The following CRPPA variants were observed in gnomAD, a reference collection of about 807,000 sequenced individuals.
The protein encoded by CRPPA is D-ribitol-5-phosphate cytidylyltransferase.
CRPPA carries 43 observed loss-of-function variants against 52.0 expected under a neutral mutation model. That is an observed-to-expected ratio of 0.83 (90% CI 0.65 to 1.07). The LOEUF is 1.07. Ranked by LOEUF, CRPPA falls within the 50% of genes least tolerant of loss-of-function variation. The pLI, the probability that CRPPA is intolerant of heterozygous loss-of-function variation, is 0.00. For missense variants in CRPPA, 629 were observed against 551.7 expected (o/e 1.14, Z -1.40); for synonymous variants, 250 against 203.5 (o/e 1.23, Z -1.94).
chr7:16,121,820 A>G (rs1040708124), intron 9 of CRPPA, among the ~76,000 whole-genome samples: 4 of 152,104 alleles, frequency 2.6e-5, no homozygotes, highest in Non-Finnish European at 4.4e-5. Flanking sequence ...ATAAAAATTT[A>G]AACCAAAACA....
At chr7:16,404,435 C>T (rs1279317604) in intron 2 of CRPPA, among the ~76,000 whole-genome samples, 1 of 152,008 alleles carries the variant, frequency 6.6e-6, no homozygotes, top group Non-Finnish European at 1.5e-5. Context: ...ATATACTTAG[C>T]ATATTAATTG....
At chr7:16,200,810 C>T (rs1781833717) in intron 9 of CRPPA, among the ~76,000 whole-genome samples, 1 of 152,172 alleles carries the variant, frequency 6.6e-6, no homozygotes, top group Non-Finnish European at 1.5e-5. Context: ...AATGAATTTT[C>T]ACACGGTAAT....
chr7:16,246,125 A>G (rs1783266105), intron 8 of CRPPA, among the ~76,000 whole-genome samples: 1 of 152,178 alleles, frequency 6.6e-6, no homozygotes, highest in South Asian at 2.1e-4. Context: ...AGTTGGACTT[A>G]ATCTTCTCAA....
At chr7:16,301,308 G>T in intron 5 of CRPPA, 113 bp downstream of exon 5, 1 of 778,510 alleles carries the variant, frequency 1.3e-6, no homozygotes, top group Non-Finnish European at 2.2e-6. Context: ...AGAGACCTTG[G>T]CCTACAGGCT....
chr7:16,138,475 A>G (rs10227232), intron 9 of CRPPA, among the ~76,000 whole-genome samples: 76,613 of 151,928 alleles, frequency 0.5, 19,739 homozygotes, highest in East Asian at 0.77. Flanking sequence ...ACATGAGAGG[A>G]TATCCAAATT....
rs192459576 is a variant in CRPPA at position 16,379,407 on chromosome 7, T to C, written c.535-3166A>G. On this transcript the variant is annotated intron_variant, in intron 2 of 9. Coordinates refer to ENST00000407010, the MANE Select transcript of CRPPA (RefSeq NM_001101426.4). ...GGTTACTGTAGCCTTGTAGTATAGTTTGAAGTCAGGTAGTGTGATGCTTCC... is the reference window on the plus strand; with the variant it reads ...GGTTACTGTAGCCTTGTAGTATAGTCTGAAGTCAGGTAGTGTGATGCTTCC... Among the ~76,000 whole-genome samples the C allele has an allele frequency of 5.1e-3, 780 of 152,346 alleles. 5 individuals carry two copies. The highest frequency in any genetic ancestry group is 0.018 in the African/African-American group (737 of 41,572).
At chr7:16,335,328 G>A (rs1241850140) in intron 3 of CRPPA, among the ~76,000 whole-genome samples, 2 of 152,148 alleles carry the variant, frequency 1.3e-5, no homozygotes, top group African/African-American at 4.8e-5. Context: ...ATTCAAGCCT[G>A]AGTGACACAG....
intron 2 of CRPPA, among the ~76,000 whole-genome samples, chr7:16,383,224 G>A (rs2128313448): frequency 6.6e-6 from 1 of 152,296 alleles, no homozygotes; most frequent in African/African-American, 2.4e-5. Context: ...AGGACCCTCA[G>A]CTGCAGGTCT....
chr7:16,204,294 T>C (rs1367572613), intron 9 of CRPPA, among the ~76,000 whole-genome samples: 1 of 152,078 alleles, frequency 6.6e-6, no homozygotes, highest in African/African-American at 2.4e-5. Context: ...ATCCAAACAA[T>C]ATAAACCAAT....
At chr7:16,361,445 G>A (rs1203621698) in intron 3 of CRPPA, among the ~76,000 whole-genome samples, 9 of 152,168 alleles carry the variant, frequency 5.9e-5, no homozygotes, top group Non-Finnish European at 1.2e-4. Flanking sequence ...ATAGCCAAGA[G>A]GTAGAAGTAA....
intron 2 of CRPPA, among the ~76,000 whole-genome samples, chr7:16,389,923 AAAAAAAT>A (rs1402928004): frequency 1.6e-4 from 13 of 81,078 alleles, no homozygotes; most frequent in Admixed American, 2.8e-4. Context: ...CAAAAAAAAA[AAAAAAAT>A]ATATATATAT....
intron 8 of CRPPA, among the ~76,000 whole-genome samples, chr7:16,232,432 CT>C (rs1488030048): frequency 2.6e-5 from 4 of 152,158 alleles, no homozygotes; most frequent in Admixed American, 1.3e-4. Flanking sequence ...GCCATGTGCA[CT>C]TGTTCTCACC....
intron 5 of CRPPA, among the ~76,000 whole-genome samples, chr7:16,282,674 C>A (rs1008605257): frequency 2.6e-5 from 4 of 152,096 alleles, no homozygotes; most frequent in East Asian, 1.9e-4. Context: ...ATATGTGAAG[C>A]TATATTAATA....
At chr7:16,249,411 T>C (rs977096780) in intron 8 of CRPPA, among the ~76,000 whole-genome samples, 1 of 152,212 alleles carries the variant, frequency 6.6e-6, no homozygotes, top group Non-Finnish European at 1.5e-5. Context: ...AGTGGGTCCC[T>C]GACACCCGCG....
chr7:16,305,801 G>C (rs1314346599), intron 4 of CRPPA, among the ~76,000 whole-genome samples: 1 of 152,196 alleles, frequency 6.6e-6, no homozygotes, highest in East Asian at 1.9e-4. Flanking sequence ...AGAATTGCTT[G>C]AACCAGGGAG....
At chr7:16,235,152 G>A (rs919088168) in intron 8 of CRPPA, among the ~76,000 whole-genome samples, 5 of 151,972 alleles carry the variant, frequency 3.3e-5, no homozygotes, top group African/African-American at 1.2e-4. Context: ...AATCTCTCAC[G>A]GTGGCTATGG....
intron 6 of CRPPA, among the ~76,000 whole-genome samples, chr7:16,261,031 T>C (rs1185807665): frequency 6.6e-6 from 1 of 152,034 alleles, no homozygotes; most frequent in Non-Finnish European, 1.5e-5. Context: ...AAATACTACA[T>C]ATAAATAATT....
chr7:16,290,056 C>T (rs1354143934), intron 5 of CRPPA, among the ~76,000 whole-genome samples: 2 of 151,944 alleles, frequency 1.3e-5, no homozygotes, highest in African/African-American at 4.8e-5. Flanking sequence ...GGAAAGCAAT[C>T]CCTTTTACAA....
intron 9 of CRPPA, among the ~76,000 whole-genome samples, chr7:16,130,290 G>T (rs927176315): frequency 6.6e-6 from 1 of 152,164 alleles, no homozygotes; most frequent in Non-Finnish European, 1.5e-5. Flanking sequence ...TGAGAACAAA[G>T]AGTATCTCTA....
Sources: allele counts gnomAD v4.1 joint callset (sites outside exome capture counted in the v4.1 genomes callset), GRCh38; gene constraint gnomAD v4.1.1; transcripts MANE v1.5; gene names NCBI Gene and HGNC (gene_info 2026-07-23, HGNC 2026-07-21).